Variants in MYOM1 observed in about 807,000 individuals in gnomAD.
MYOM1 encodes the protein myomesin 1.
Under a neutral mutation model 205.3 loss-of-function variants are expected in MYOM1, and 164 were observed. That is an observed-to-expected ratio of 0.80 (90% CI 0.70 to 0.91). The LOEUF (loss-of-function observed/expected upper bound fraction) is 0.91, where lower values mean the gene tolerates loss of function less well. MYOM1 is among the 40% of genes least tolerant of loss of function. The pLI is 0.00. For missense variants in MYOM1, 2,011 were observed against 2,127.3 expected (o/e 0.95, Z 1.08); for synonymous variants, 772 against 789.4 (o/e 0.98, Z 0.37).
At position 3,126,999 on chromosome 18, in the gene MYOM1, G is replaced by A. The variant is rs1420865381; in HGVS notation, c.2795-102C>T. On this transcript the variant is annotated intron_variant, in intron 18 of 37. Coordinates refer to ENST00000356443, the MANE Select transcript of MYOM1 (RefSeq NM_003803.4). ...ACATATGAGGGCACTAGATCTTGCA[G>A]TATAAAACTAAAATTCGAGGCTGAT... The A allele has an allele frequency of 3.9e-5, 42 of 1,064,852 alleles. 1 individual carries two copies. Among genetic ancestry groups the A allele is most frequent in the Non-Finnish European group, 4.0e-6 (3 of 741,318 alleles). 66.0% of individuals were successfully genotyped at this position (1,064,852 alleles called of 1,614,324 possible). A position where few individuals can be genotyped will look rare whatever the true frequency, so the allele number is the denominator to read the frequency against.
At chr18:3,244,898 CA>C in the MYOM1 span, among the ~76,000 whole-genome samples, 1 of 112,210 alleles carries the variant, frequency 8.9e-6, no homozygotes, top group Non-Finnish European at 1.8e-5. Flanking sequence ...GACTCCATCT[CA>C]AAAAAATAAG....
chr18:3,143,900 C>CAAAAA (rs55830599), intron 13 of MYOM1, among the ~76,000 whole-genome samples: 11 of 49,370 alleles, frequency 2.2e-4, no homozygotes, highest in African/African-American at 3.4e-4. Context: ...GACCCTGTCT[C>CAAAAA]AAAAAAAAAA....
chr18:3,226,450 C>T, the MYOM1 span, among the ~76,000 whole-genome samples: 4 of 152,138 alleles, frequency 2.6e-5, no homozygotes, highest in Non-Finnish European at 4.4e-5. This position sits in a 1 kb window ranked among gnomAD's most constrained non-coding sequence, Gnocchi z 4.6. Flanking sequence ...CATTCCCCTG[C>T]CTGCCTCCTG....
rs180990887 is a variant in MYOM1 at position 3,144,185 on chromosome 18, G to A, written c.1901-2122C>T. ...TGCAGCACTACACTCCAGACTGGGC[G>A]ACAGAGCAAGACTCCATCTCAAAAA... is the stretch of plus-strand genomic sequence containing the variant. On this transcript the variant is annotated intron_variant, in intron 13 of 37. Coordinates refer to ENST00000356443, the MANE Select transcript of MYOM1 (RefSeq NM_003803.4). Among the ~76,000 whole-genome samples, 37 of 152,046 alleles carry A rather than the reference G, an allele frequency of 2.4e-4. No individual in the cohort carries two copies. In the East Asian group the frequency reaches 4.8e-3, roughly 20 times the overall value.
At chr18:3,112,077 T>A (rs372505441) in intron 22 of MYOM1, among the ~76,000 whole-genome samples, 2 of 152,142 alleles carry the variant, frequency 1.3e-5, no homozygotes, top group East Asian at 3.8e-4. Flanking sequence ...TAGGTATGCA[T>A]CAGAACAGCC....
intron 25 of MYOM1, among the ~76,000 whole-genome samples, chr18:3,098,496 C>G (rs2079335344): frequency 6.6e-6 from 1 of 152,046 alleles, no homozygotes; most frequent in African/African-American, 2.4e-5. Flanking sequence ...TCAGGCTGGT[C>G]TTGAACTCCT....
chr18:3,127,037 G>C, intron 18 of MYOM1, 140 bp from the exon 19 acceptor site: 2 of 680,422 alleles, frequency 2.9e-6, no homozygotes, highest in Non-Finnish European at 4.9e-6. Context: ...ACTTGGCATT[G>C]AACTTGGTGA....
intron 23 of MYOM1, among the ~76,000 whole-genome samples, chr18:3,102,064 C>T (rs1039839637): frequency 3.6e-5 from 5 of 137,290 alleles, no homozygotes; most frequent in South Asian, 2.3e-4. Flanking sequence ...TGCAGTGGCG[C>T]GATCTCGGCT....
intron 3 of MYOM1, among the ~76,000 whole-genome samples, chr18:3,191,966 A>G (rs4330000): frequency 0.012 from 1,866 of 152,106 alleles, 30 homozygotes; most frequent in African/African-American, 0.036. Context: ...AAAGTGCTGG[A>G]ATTACAGGCA....
At chr18:3,070,051 C>T (rs986209978) in intron 37 of MYOM1, among the ~76,000 whole-genome samples, 5 of 152,186 alleles carry the variant, frequency 3.3e-5, no homozygotes, top group Admixed American at 2.6e-4. Context: ...TTCCAGTCAC[C>T]CACTGTATGT....
intron 5 of MYOM1, among the ~76,000 whole-genome samples, chr18:3,180,281 G>T (rs1443107312): frequency 6.6e-6 from 1 of 152,146 alleles, no homozygotes; most frequent in African/African-American, 2.4e-5. Context: ...CATGGCAAGA[G>T]AAATGGGTTT....
intron 8 of MYOM1, among the ~76,000 whole-genome samples, chr18:3,171,926 T>C (rs2080563207): frequency 6.6e-6 from 1 of 152,168 alleles, no homozygotes; most frequent in African/African-American, 2.4e-5. Flanking sequence ...TGGTGACTCC[T>C]TGTTTGAAAT....
intron 2 of MYOM1, among the ~76,000 whole-genome samples, chr18:3,197,508 A>G (rs1308352549): frequency 6.6e-6 from 1 of 152,230 alleles, no homozygotes; most frequent in Non-Finnish European, 1.5e-5. Flanking sequence ...ACTACTGTAT[A>G]AATAGTCTAA....
At position 3,135,804 on chromosome 18, in the gene MYOM1, T is replaced by G; in HGVS notation, c.2026-74A>C. ...AGAATCCAGGCCAGGCAACTCCAAG[T>G]TTCATTCATCTGCAACAAACCACTC... On this transcript the variant is annotated intron_variant, in intron 14 of 37. Transcript: ENST00000356443. This position sits in a 1 kb window ranked among gnomAD's most constrained non-coding sequence, Gnocchi z 4.1. 1.3e-6 allele frequency: 2 copies of G among 1,541,500 alleles called. No individual in the cohort carries two copies. The highest frequency in any genetic ancestry group is 1.8e-6 in the Non-Finnish European group (2 of 1,128,712).
At chr18:3,240,763 GA>G in the MYOM1 span, among the ~76,000 whole-genome samples, 1 of 152,224 alleles carries the variant, frequency 6.6e-6, no homozygotes, top group Non-Finnish European at 1.5e-5. Flanking sequence ...GGAAAATGTG[GA>G]AAAGTTTGGA....
At chr18:3,131,640 C>A (rs1377737638) in intron 16 of MYOM1, 144 bp from the exon 17 acceptor site, 3 of 776,138 alleles carry the variant, frequency 3.9e-6, no homozygotes, top group Non-Finnish European at 3.9e-6. Context: ...TGGGGTCTTG[C>A]TGTGTTTCCC....
rs546834744 is a variant in MYOM1 at position 3,086,029 on chromosome 18, A to G, written c.4251+9T>C. 16 of 1,537,368 alleles carry G rather than the reference A, an allele frequency of 1.0e-5. No individual in the cohort carries two copies. The East Asian group carries it at 3.2e-4, about 30-fold the overall frequency. ...TAATATATTACATTTTACATTTATA[A>G]TCGCCTACCTCTGTTATAAGCAGGG... On this transcript the variant is annotated intron_variant, in intron 30 of 37. Coordinates refer to ENST00000356443, the MANE Select transcript of MYOM1 (RefSeq NM_003803.4).
chr18:3,228,627 A>G, the MYOM1 span, among the ~76,000 whole-genome samples: 1 of 152,214 alleles, frequency 6.6e-6, no homozygotes, highest in African/African-American at 2.4e-5. This position sits in a 1 kb window ranked among gnomAD's most constrained non-coding sequence, Gnocchi z 4.5. Context: ...TTGACACACC[A>G]TAAATTAATC....
chr18:3,240,848 G>T, the MYOM1 span, among the ~76,000 whole-genome samples: 1 of 152,228 alleles, frequency 6.6e-6, no homozygotes, highest in Non-Finnish European at 1.5e-5. Context: ...CCAGGTTGAG[G>T]TGGTCTCAGA....
Sources: gnomAD v4.1 joint callset for allele counts (sites outside exome capture counted in the v4.1 genomes callset) on GRCh38, gnomAD v4.1.1 for gene constraint, Gnocchi (gnomAD v3.1) non-coding constraint, MANE v1.5 for transcripts, NCBI Gene and HGNC (gene_info 2026-07-23, HGNC 2026-07-21) for gene names.